The following LRP5 variants were observed in gnomAD, a reference collection of about 807,000 sequenced individuals.
The protein encoded by LRP5 is low-density lipoprotein receptor-related protein 5.
A neutral mutation model predicts 154.1 loss-of-function variants in LRP5; 62 were observed. The ratio of observed to expected loss-of-function variants is 0.40; its 90% CI spans 0.33 to 0.50. The LOEUF (loss-of-function observed/expected upper bound fraction) is 0.50. Ranked by LOEUF, LRP5 falls within the 20% of genes least tolerant of loss-of-function variation. The probability of loss-of-function intolerance (pLI) is 0.55; values close to 1 mark genes in which losing one functional copy is unlikely to be tolerated. For missense variants in LRP5, 1,915 were observed against 2,336.7 expected (o/e 0.82, Z 3.72); for synonymous variants, 966 against 1,011.5 (o/e 0.96, Z 0.85).
At chr11:68,317,695 C>A (rs61887817) in intron 1 of LRP5, among the ~76,000 whole-genome samples, 3 of 152,236 alleles carry the variant, frequency 2.0e-5, no homozygotes, top group African/African-American at 7.2e-5. Context: ...TGCTCCAGGT[C>A]CAGCCTCTGG....
the LRP5 span, among the ~76,000 whole-genome samples, chr11:68,298,867 C>G: frequency 2.0e-5 from 3 of 152,170 alleles, no homozygotes; most frequent in African/African-American, 7.2e-5. Flanking sequence ...CCTTTCCCAT[C>G]CGTGCTGCTG....
At chr11:68,414,038 C>T (rs750708531) in intron 12 of LRP5, 26 bp downstream of exon 12, 87 of 1,591,496 alleles carry the variant, frequency 5.5e-5, no homozygotes, top group Middle Eastern at 3.3e-4. Context: ...TCCCCCGCAC[C>T]TCACTCCCTC....
chr11:68,376,654 G>A (rs930503582), intron 5 of LRP5, among the ~76,000 whole-genome samples: 17 of 152,318 alleles, frequency 1.1e-4, no homozygotes, highest in Admixed American at 7.2e-4. Context: ...GCAGCCATGC[G>A]TCAGGCTGGA....
At chr11:68,366,653 A>C (rs2098631217) in intron 5 of LRP5, among the ~76,000 whole-genome samples, 1 of 152,030 alleles carries the variant, frequency 6.6e-6, no homozygotes, top group South Asian at 2.1e-4. Context: ...TCTTTCTGAG[A>C]GCAGGGCATC....
upstream of LRP5, among the ~76,000 whole-genome samples, chr11:68,307,669 T>C (rs1304967521): frequency 2.0e-5 from 3 of 150,396 alleles, no homozygotes; most frequent in Non-Finnish European, 4.4e-5. Flanking sequence ...AAAGAAAAAA[T>C]TATCCAGGTG....
intron 2 of LRP5, among the ~76,000 whole-genome samples, chr11:68,355,582 C>G (rs949425723): frequency 1.3e-5 from 2 of 152,178 alleles, no homozygotes; most frequent in Non-Finnish European, 2.9e-5. Context: ...AGCCTCTGGG[C>G]ACACACCCTG....
chr11:68,325,216 G>A (rs112182148), intron 1 of LRP5, among the ~76,000 whole-genome samples: 1 of 152,226 alleles, frequency 6.6e-6, no homozygotes, highest in African/African-American at 2.4e-5. Context: ...ATGGTATGAT[G>A]TGTTTCAGGT....
chr11:68,350,367 A>G (rs574808193), intron 2 of LRP5, among the ~76,000 whole-genome samples: 16 of 152,332 alleles, frequency 1.1e-4, no homozygotes, highest in South Asian at 2.1e-4. Context: ...AGAAAGTCCC[A>G]GGAGTGGGCG....
intron 11 of LRP5, among the ~76,000 whole-genome samples, chr11:68,412,088 C>T (rs76886882): frequency 0.015 from 2,230 of 152,280 alleles, 44 homozygotes; most frequent in East Asian, 0.078. Flanking sequence ...AGTGTCCACA[C>T]GCCCGGGACC....
At chr11:68,325,064 A>T (rs1463970528) in intron 1 of LRP5, among the ~76,000 whole-genome samples, 3 of 152,146 alleles carry the variant, frequency 2.0e-5, no homozygotes. Context: ...ATCAGGGTGG[A>T]CTATAGCCCA....
Position 68,351,214 on chromosome 11 carries a change from G to A in LRP5, c.488+2971G>A, listed in dbSNP as rs78710678. Among the ~76,000 whole-genome samples the A allele has an allele frequency of 5.3e-5, 8 of 152,176 alleles. No homozygotes were observed. The East Asian group carries it at 1.4e-3, about 26-fold the overall frequency. On this transcript the variant is annotated intron_variant, in intron 2 of 22. Coordinates refer to ENST00000294304, the MANE Select transcript of LRP5 (RefSeq NM_002335.4). ...CTGAGAAGTGCCCCCGGCCTCCCAG[G>A]GGTGCTGTGCTGGGCAACCACTCAT...
At chr11:68,424,479 G>A (rs880610) in intron 14 of LRP5, among the ~76,000 whole-genome samples, 18,220 of 152,182 alleles carry the variant, frequency 0.12, 1,392 homozygotes, top group East Asian at 0.2. Context: ...CGGAAGCCCC[G>A]GGTCTATAAG....
At chr11:68,407,872 T>C (rs965788084) in intron 9 of LRP5, among the ~76,000 whole-genome samples, 2 of 152,164 alleles carry the variant, frequency 1.3e-5, no homozygotes, top group South Asian at 4.2e-4. Context: ...TTGATTGGTG[T>C]AACCAAAGCG....
At position 68,363,730 on chromosome 11, in the gene LRP5, C is replaced by T. The variant is rs186410639; in HGVS notation, c.687-17C>T. 2,065 of 1,609,716 alleles carry T rather than the reference C, an allele frequency of 1.3e-3. 31 individuals carry two copies. In the African/African-American group the frequency reaches 0.024, roughly 19 times the overall value. Reference sequence around the variant, plus strand: ...GACCCTCCTGATGGCTCCTCCACCCCGCTTCCCTGACTGCAGGCAGAAGGT... The same window carrying T: ...GACCCTCCTGATGGCTCCTCCACCCTGCTTCCCTGACTGCAGGCAGAAGGT... On this transcript the variant is annotated splice_polypyrimidine_tract_variant and intron_variant, in intron 3 of 22. Transcript: ENST00000294304.
chr11:68,392,087 G>A (rs1328634482), intron 7 of LRP5, among the ~76,000 whole-genome samples: 5 of 152,180 alleles, frequency 3.3e-5, no homozygotes, highest in Admixed American at 2.0e-4. Flanking sequence ...AGGCACAAGC[G>A]ATCCACCTGC....
intron 1 of LRP5, among the ~76,000 whole-genome samples, chr11:68,318,896 CT>C (rs1262127216): frequency 8.5e-5 from 13 of 152,100 alleles, no homozygotes; most frequent in Non-Finnish European, 8.8e-5. Flanking sequence ...CCTCAGTTTC[CT>C]TTTTTTGTAA....
At chr11:68,387,258 G>C (rs1316629308) in intron 6 of LRP5, among the ~76,000 whole-genome samples, 1 of 152,100 alleles carries the variant, frequency 6.6e-6, no homozygotes, top group African/African-American at 2.4e-5. Context: ...GGGATTACAG[G>C]TGCCTGCCAC....
rs576462333 is a variant in LRP5, at chr11:68,341,059, C to CTTTTTTT, written c.92-6775_92-6769dup. 3.5e-3 allele frequency among the ~76,000 whole-genome samples: 290 copies of CTTTTTTT among 83,442 alleles called. 36 individuals carry two copies. Among genetic ancestry groups the CTTTTTTT allele is most frequent in the African/African-American group, 0.012 (252 of 21,000 alleles). The allele number at this position is 83,442 out of a possible 152,430, so 54.7% of individuals were successfully genotyped here. ...GTTACCCCTGCCGCTGGAGATTGTTCTTTTTTTTTTTTTTTTTTTGCTATT... is the reference window on the plus strand; with the variant it reads ...GTTACCCCTGCCGCTGGAGATTGTTCTTTTTTTTTTTTTTTTTTTTTTTTTTGCTATT... On this transcript the variant is annotated intron_variant, in intron 1 of 22. Transcript: ENST00000294304.
intron 17 of LRP5, among the ~76,000 whole-genome samples, chr11:68,433,277 C>G (rs1218799966): frequency 6.6e-6 from 1 of 152,242 alleles, no homozygotes; most frequent in Non-Finnish European, 1.5e-5. Flanking sequence ...CGGAGCATTT[C>G]TGCTGTATTT....
Sources: gnomAD v4.1 joint callset for allele counts (sites outside exome capture counted in the v4.1 genomes callset) on GRCh38, gnomAD v4.1.1 for gene constraint, MANE v1.5 for transcripts, NCBI Gene and HGNC (gene_info 2026-07-23, HGNC 2026-07-21) for gene names.